Variants in MEIS1 observed in about 807,000 individuals in gnomAD.
MEIS1 encodes homeobox protein Meis1.
Under a neutral mutation model 50.8 loss-of-function variants are expected in MEIS1, and 5 were observed. That is an observed-to-expected ratio of 0.10 (90% CI 0.05 to 0.21). MEIS1 has a LOEUF of 0.21. MEIS1 is among the 10% of genes least tolerant of loss of function. The probability of loss-of-function intolerance (pLI) is 1.00; values close to 1 mark genes in which losing one functional copy is unlikely to be tolerated. For missense variants in MEIS1, 318 were observed against 517.3 expected, an observed-to-expected ratio of 0.61 and a Z score of 3.74; for synonymous variants, 176 against 179.3, an observed-to-expected ratio of 0.98 and a Z score of 0.15.
At chr2:66,555,390 G>A (rs1372345968) in intron 9 of MEIS1, among the ~76,000 whole-genome samples, 3 of 148,042 alleles carry the variant, frequency 2.0e-5, no homozygotes, top group Non-Finnish European at 4.4e-5. Context: ...GAGCAGATTT[G>A]AAACTCACTA....
chr2:66,512,342 C>A, intron 8 of MEIS1, 48 bp downstream of exon 8: 1 of 1,549,814 alleles, frequency 6.5e-7, no homozygotes, highest in South Asian at 1.3e-5. Flanking sequence ...GGACAATGAA[C>A]CAGTTTTTAT....
At chr2:66,476,781 C>A (rs753749601) in intron 7 of MEIS1, among the ~76,000 whole-genome samples, 1 of 152,150 alleles carries the variant, frequency 6.6e-6, no homozygotes, top group African/African-American at 2.4e-5. Flanking sequence ...ACCACTACCT[C>A]GTCCCCCGGA....
chr2:66,487,934 A>G (rs1437691312), intron 7 of MEIS1, among the ~76,000 whole-genome samples: 4 of 152,228 alleles, frequency 2.6e-5, no homozygotes, highest in Admixed American at 1.3e-4. Flanking sequence ...CAATGAGAAG[A>G]AATTCTGAAT....
intron 9 of MEIS1, among the ~76,000 whole-genome samples, chr2:66,549,483 T>C (rs1674866622): frequency 6.6e-6 from 1 of 152,102 alleles, no homozygotes; most frequent in East Asian, 1.9e-4. Context: ...ATTTCAAATA[T>C]GTAATAATTT....
chr2:66,481,941 G>A (rs1294322313), intron 7 of MEIS1, among the ~76,000 whole-genome samples: 5 of 136,932 alleles, frequency 3.7e-5, no homozygotes, highest in African/African-American at 1.4e-4. Context: ...TGCAACCTCC[G>A]CCTTCCAGTT....
chr2:66,519,497 G>T (rs978132315), intron 8 of MEIS1, among the ~76,000 whole-genome samples: 2 of 152,004 alleles, frequency 1.3e-5, no homozygotes, highest in African/African-American at 4.8e-5. Context: ...GTGCGCTCAA[G>T]AACTCAGATA....
chr2:66,559,141 GA>G (rs1675149042), intron 9 of MEIS1, among the ~76,000 whole-genome samples: 1 of 151,950 alleles, frequency 6.6e-6, no homozygotes, highest in Admixed American at 6.6e-5. Context: ...GAGAGAGAGA[GA>G]GAGAGAGAGA....
At chr2:66,561,103 A>C (rs754554124) in intron 9 of MEIS1, among the ~76,000 whole-genome samples, 1 of 152,204 alleles carries the variant, frequency 6.6e-6, no homozygotes, top group African/African-American at 2.4e-5. Context: ...TAAATCTAAA[A>C]TAAAGAGTTC....
chr2:66,509,005 G>C (rs1347330925), intron 7 of MEIS1: 1 of 471,062 alleles, frequency 2.1e-6, no homozygotes, highest in Non-Finnish European at 4.4e-6. Context: ...CTGCCGTGTG[G>C]TCGGCCGGCG....
chr2:66,498,117 A>G (rs1003945365), intron 7 of MEIS1, among the ~76,000 whole-genome samples: 2 of 152,124 alleles, frequency 1.3e-5, no homozygotes, highest in African/African-American at 4.8e-5. Context: ...AAGAGTAGCA[A>G]TGGTCATTTT....
At chr2:66,481,011 C>CAA (rs1335935434) in intron 7 of MEIS1, among the ~76,000 whole-genome samples, 3 of 150,512 alleles carry the variant, frequency 2.0e-5, no homozygotes, top group African/African-American at 7.3e-5. Flanking sequence ...AAAAAAAAAA[C>CAA]AAAAAAACAA....
chr2:66,541,283 C>T (rs750379661), intron 8 of MEIS1, among the ~76,000 whole-genome samples: 19 of 151,992 alleles, frequency 1.3e-4, no homozygotes, highest in South Asian at 2.1e-4. Flanking sequence ...GTGATCCTCC[C>T]GTCTCGGCCT....
At chr2:66,439,629 T>C in intron 2 of MEIS1, 2 of 1,537,564 alleles carry the variant, frequency 1.3e-6, no homozygotes, top group Non-Finnish European at 1.7e-6. Context: ...ATACCGTCCA[T>C]GGCTCAGGGC....
intron 6 of MEIS1, 188 bp downstream of exon 6, chr2:66,443,236 C>T (rs1411823623): frequency 1.5e-5 from 9 of 597,740 alleles, no homozygotes; most frequent in African/African-American, 2.0e-5. Context: ...CTCTGGGATT[C>T]GACCTGAAGA....
chr2:66,512,857 TAG>T (rs1673867682), intron 8 of MEIS1, among the ~76,000 whole-genome samples: 1 of 152,184 alleles, frequency 6.6e-6, no homozygotes, highest in Non-Finnish European at 1.5e-5. Context: ...AACAGCAATA[TAG>T]AGTCAGCTCT....
intron 7 of MEIS1, among the ~76,000 whole-genome samples, chr2:66,492,107 G>A (rs931245369): frequency 6.7e-6 from 1 of 150,032 alleles, no homozygotes; most frequent in Non-Finnish European, 1.5e-5. Flanking sequence ...GCATGTGTGG[G>A]TGTGAGCGAG....
intron 6 of MEIS1, among the ~76,000 whole-genome samples, chr2:66,460,694 C>A (rs572016755): frequency 3.3e-5 from 5 of 152,268 alleles, no homozygotes; most frequent in African/African-American, 1.2e-4. Flanking sequence ...ATTCAGTGAT[C>A]TTTCAGGTCT....
At chr2:66,519,529 C>A (rs1226432949) in intron 8 of MEIS1, among the ~76,000 whole-genome samples, 1 of 151,902 alleles carries the variant, frequency 6.6e-6, no homozygotes, top group African/African-American at 2.4e-5. Flanking sequence ...TCTTGGTGGG[C>A]CAGTGGAGAG....
At chr2:66,494,056 T>C (rs935949724) in intron 7 of MEIS1, among the ~76,000 whole-genome samples, 4 of 152,320 alleles carry the variant, frequency 2.6e-5, no homozygotes, top group Admixed American at 2.6e-4. Context: ...TATGATGGGC[T>C]GTATAGAAAT....
Sources: allele counts gnomAD v4.1 joint callset (sites outside exome capture counted in the v4.1 genomes callset), GRCh38; gene constraint gnomAD v4.1.1; transcripts MANE v1.5; gene names NCBI Gene and HGNC (gene_info 2026-07-23, HGNC 2026-07-21).